Variants in PRKAG2 observed in about 807,000 individuals in gnomAD.
The protein encoded by PRKAG2 is protein kinase AMP-activated non-catalytic subunit gamma 2.
Under a neutral mutation model 69.6 loss-of-function variants are expected in PRKAG2, and 26 were observed. The observed-to-expected ratio is 0.37, with a 90% CI of 0.27 to 0.52. The LOEUF is 0.52. Among genes scored for constraint, PRKAG2 ranks in the 20% least tolerant of loss-of-function variants. PRKAG2 has a pLI of 0.90. For synonymous variants in PRKAG2, 293 were observed against 285.0 expected (o/e 1.03, Z -0.28); for missense variants, 557 against 740.0 (o/e 0.75, Z 2.87).
intron 11 of PRKAG2, chr7:151,566,696 A>G: frequency 2.7e-6 from 1 of 369,014 alleles, no homozygotes; most frequent in Admixed American, 3.6e-5. Context: ...AAATCATGAG[A>G]CTCCTAGAAA....
At chr7:151,792,727 G>T (rs183789947) in intron 1 of PRKAG2, among the ~76,000 whole-genome samples, 2 of 152,234 alleles carry the variant, frequency 1.3e-5, no homozygotes, top group African/African-American at 4.8e-5. Context: ...ACAATATCAG[G>T]GTCACGATAC....
Position 151,570,236 on chromosome 7 carries a change from A to G in PRKAG2, c.1052-11T>C, listed in dbSNP as rs1207499934. 6.2e-7 allele frequency: 1 copy of G among 1,600,302 alleles called. No homozygotes were observed. The highest frequency in any genetic ancestry group is 2.2e-5 in the East Asian group (1 of 44,558). ...CTTGTAAATAAAGCTCTGTATTTAT[A>G]GAAAGAAAATATGCAGTTAGTAACA... On this transcript the variant is annotated splice_polypyrimidine_tract_variant and intron_variant, in intron 9 of 15. Coordinates refer to ENST00000287878, the MANE Select transcript of PRKAG2 (RefSeq NM_016203.4).
At chr7:151,838,513 C>T (rs757955412) in intron 1 of PRKAG2, among the ~76,000 whole-genome samples, 5 of 151,316 alleles carry the variant, frequency 3.3e-5, no homozygotes, top group African/African-American at 4.9e-5. Flanking sequence ...TTGGAGATCA[C>T]CCTGGGCAAC....
chr7:151,621,532 A>C (rs959831026), intron 5 of PRKAG2, among the ~76,000 whole-genome samples: 4 of 152,150 alleles, frequency 2.6e-5, no homozygotes, highest in Non-Finnish European at 4.4e-5. Flanking sequence ...AAAACAAAAC[A>C]AAACAAAAAA....
intron 5 of PRKAG2, among the ~76,000 whole-genome samples, chr7:151,622,837 TTTC>T (rs1195189609): frequency 1.3e-5 from 2 of 152,060 alleles, no homozygotes; most frequent in Non-Finnish European, 2.9e-5. Flanking sequence ...TTTTGCTCGG[TTTC>T]TTCTTGTCTT....
intron 1 of PRKAG2, among the ~76,000 whole-genome samples, chr7:151,839,322 G>A (rs1239976381): frequency 6.6e-6 from 1 of 152,220 alleles, no homozygotes; most frequent in African/African-American, 2.4e-5. Context: ...AGGCAGCGTG[G>A]CCGGGCACCG....
chr7:151,620,798 A>AAT (rs1554499537), intron 5 of PRKAG2, among the ~76,000 whole-genome samples: 1 of 149,290 alleles, frequency 6.7e-6, no homozygotes, highest in African/African-American at 2.5e-5. Flanking sequence ...GATTAAAAAA[A>AAT]TTTTTTTTTA....
intron 3 of PRKAG2, among the ~76,000 whole-genome samples, chr7:151,760,424 G>T (rs1170816205): frequency 6.6e-6 from 1 of 152,110 alleles, no homozygotes; most frequent in African/African-American, 2.4e-5. Flanking sequence ...AGTAGAGACG[G>T]GGCTTCACCA....
At chr7:151,646,319 A>G (rs544048131) in intron 4 of PRKAG2, among the ~76,000 whole-genome samples, 1 of 152,210 alleles carries the variant, frequency 6.6e-6, no homozygotes, top group Non-Finnish European at 1.5e-5. Flanking sequence ...TGATCATGGC[A>G]TATCTTTCCA....
intron 3 of PRKAG2, chr7:151,736,303 G>A: frequency 1.7e-6 from 2 of 1,200,048 alleles, no homozygotes; most frequent in Non-Finnish European, 2.1e-6. Context: ...GTAGCAAGAA[G>A]CTGCCGGAAG....
intron 6 of PRKAG2, among the ~76,000 whole-genome samples, chr7:151,588,444 C>G (rs1463114274): frequency 6.6e-6 from 1 of 151,894 alleles, no homozygotes; most frequent in African/African-American, 2.4e-5. Context: ...CTCACTGTAA[C>G]CTCTGCCTTC....
At chr7:151,770,672 C>T (rs979868067) in intron 3 of PRKAG2, among the ~76,000 whole-genome samples, 3 of 152,154 alleles carry the variant, frequency 2.0e-5, no homozygotes, top group African/African-American at 4.8e-5. Context: ...TCTGAGGTCT[C>T]GCAGGTTTTC....
intron 3 of PRKAG2, among the ~76,000 whole-genome samples, chr7:151,748,842 C>T (rs1338220862): frequency 6.6e-6 from 1 of 152,270 alleles, no homozygotes; most frequent in Non-Finnish European, 1.5e-5. Context: ...GCCGTGCCAC[C>T]TGGCCTTCGC....
chr7:151,805,411 A>AC (rs2078052112), intron 1 of PRKAG2, among the ~76,000 whole-genome samples: 1 of 152,064 alleles, frequency 6.6e-6, no homozygotes, highest in African/African-American at 2.4e-5. Context: ...AATAGGAGGA[A>AC]CCCCCAGTGA....
intron 1 of PRKAG2, among the ~76,000 whole-genome samples, chr7:151,868,509 A>G (rs2080133265): frequency 6.6e-6 from 1 of 152,238 alleles, no homozygotes; most frequent in Non-Finnish European, 1.5e-5. Flanking sequence ...CTCTGTTTCA[A>G]CGTCACAGCT....
At chr7:151,575,020 G>A (rs1459600660) in intron 7 of PRKAG2, 71 bp from the exon 8 acceptor site, 89 of 1,588,090 alleles carry the variant, frequency 5.6e-5, no homozygotes, top group Non-Finnish European at 7.5e-5. Flanking sequence ...TGACAAGTGA[G>A]CCTAGAATAT....
chr7:151,701,658 A>G (rs1023917860), intron 3 of PRKAG2, among the ~76,000 whole-genome samples: 4 of 152,132 alleles, frequency 2.6e-5, no homozygotes, highest in Admixed American at 2.6e-4. Context: ...CCTGGCTAAC[A>G]CGGTGAAACC....
At chr7:151,584,811 C>T (rs1036002925) in intron 6 of PRKAG2, among the ~76,000 whole-genome samples, 1 of 152,186 alleles carries the variant, frequency 6.6e-6, no homozygotes, top group Non-Finnish European at 1.5e-5. Context: ...GCAGGAGGAT[C>T]GCTTGAGCCC....
At chr7:151,576,536 T>A in intron 6 of PRKAG2, 84 bp from the exon 7 acceptor site, 1 of 1,252,952 alleles carries the variant, frequency 8.0e-7, no homozygotes, top group Non-Finnish European at 1.1e-6. Flanking sequence ...GGTTTCACTC[T>A]GTTGCCCAGG....
Sources: gnomAD v4.1 joint callset for allele counts (sites outside exome capture counted in the v4.1 genomes callset) on GRCh38, gnomAD v4.1.1 for gene constraint, MANE v1.5 for transcripts, NCBI Gene and HGNC (gene_info 2026-07-23, HGNC 2026-07-21) for gene names.